The following LRMDA variants were observed in gnomAD, a reference collection of about 807,000 sequenced individuals.
LRMDA encodes the protein leucine-rich melanocyte differentiation-associated protein.
In LRMDA, 18 loss-of-function variants were observed where a neutral mutation model predicts 29.8. The observed-to-expected ratio is 0.60, with a 90% confidence interval of 0.42 to 0.90. The LOEUF (loss-of-function observed/expected upper bound fraction) is 0.90. Among genes scored for constraint, LRMDA ranks in the 40% least tolerant of loss-of-function variants. The pLI is 0.00. For synonymous variants in LRMDA, 125 were observed against 109.4 expected, an observed-to-expected ratio of 1.14 and a Z score of -0.89; for missense variants, 273 against 273.9, an observed-to-expected ratio of 1.00 and a Z score of 0.02.
chr10:76,082,156 C>A (rs1849059557), intron 5 of LRMDA, among the ~76,000 whole-genome samples: 1 of 152,162 alleles, frequency 6.6e-6, no homozygotes, highest in Admixed American at 6.5e-5. Flanking sequence ...GGAACACCAA[C>A]TTTTCATATT....
intron 2 of LRMDA, among the ~76,000 whole-genome samples, chr10:75,977,541 AAAAT>A (rs990734607): frequency 3.3e-5 from 5 of 152,222 alleles, no homozygotes; most frequent in Admixed American, 1.3e-4. Flanking sequence ...TTCCACACGC[AAAAT>A]AAATAAATAA....
At chr10:75,959,398 T>G (rs1009087512) in intron 2 of LRMDA, among the ~76,000 whole-genome samples, 19 of 152,154 alleles carry the variant, frequency 1.2e-4, no homozygotes, top group African/African-American at 4.6e-4. Context: ...ACCACATGTA[T>G]AAGTCAGAGC....
intron 2 of LRMDA, among the ~76,000 whole-genome samples, chr10:75,822,508 A>T (rs1312909651): frequency 6.6e-6 from 1 of 152,162 alleles, no homozygotes; most frequent in Non-Finnish European, 1.5e-5. Flanking sequence ...AGCCAAAGCA[A>T]CTCTAAGCAA....
At chr10:76,472,195 T>G (rs1482497508) in intron 6 of LRMDA, among the ~76,000 whole-genome samples, 1 of 151,798 alleles carries the variant, frequency 6.6e-6, no homozygotes, top group African/African-American at 2.4e-5. Context: ...CTCAATAAAT[T>G]TAACTGGGTA....
intron 6 of LRMDA, among the ~76,000 whole-genome samples, chr10:76,411,887 A>G (rs1841965208): frequency 6.6e-6 from 1 of 152,238 alleles, no homozygotes; most frequent in Non-Finnish European, 1.5e-5. Context: ...AACAGCGGGG[A>G]CAGTGATGGA....
At chr10:76,397,896 C>T (rs934279262) in intron 6 of LRMDA, among the ~76,000 whole-genome samples, 9 of 152,232 alleles carry the variant, frequency 5.9e-5, no homozygotes, top group Admixed American at 3.9e-4. Flanking sequence ...TTTCACTAAC[C>T]GAAAAGTATT....
chr10:76,312,754 C>T (rs16933248), intron 5 of LRMDA, among the ~76,000 whole-genome samples: 3,383 of 151,390 alleles, frequency 0.022, 135 homozygotes, highest in African/African-American at 0.077. Flanking sequence ...AATTTTTGCT[C>T]CCAGAAGGGA....
chr10:75,608,097 A>G (rs1840978819), intron 2 of LRMDA, among the ~76,000 whole-genome samples: 1 of 77,670 alleles, frequency 1.3e-5, no homozygotes. Flanking sequence ...CTGGATCAAA[A>G]ATTGTAGTGT....
At chr10:76,107,905 G>A (rs960582241) in intron 5 of LRMDA, among the ~76,000 whole-genome samples, 1 of 152,168 alleles carries the variant, frequency 6.6e-6, no homozygotes, top group Non-Finnish European at 1.5e-5. Flanking sequence ...CATTTGTGTT[G>A]AATTCTGGTT....
intron 2 of LRMDA, among the ~76,000 whole-genome samples, chr10:75,800,318 G>GCA (rs1843725969): frequency 6.6e-6 from 1 of 151,828 alleles, no homozygotes; most frequent in South Asian, 2.1e-4. Flanking sequence ...TTTTTTTGCA[G>GCA]CATATATATA....
intron 2 of LRMDA, among the ~76,000 whole-genome samples, chr10:75,555,032 G>A (rs1480241894): frequency 6.6e-6 from 1 of 152,168 alleles, no homozygotes; most frequent in East Asian, 1.9e-4. Flanking sequence ...AGTTAGTCCT[G>A]AGGGGCTGGG....
chr10:76,170,844 G>A (rs1370342967), intron 5 of LRMDA, among the ~76,000 whole-genome samples: 1 of 152,122 alleles, frequency 6.6e-6, no homozygotes, highest in African/African-American at 2.4e-5. Flanking sequence ...TAGAGAGGAG[G>A]AAAATAAACT....
chr10:75,877,915 A>C (rs1235662447), intron 2 of LRMDA, among the ~76,000 whole-genome samples: 2 of 152,196 alleles, frequency 1.3e-5, no homozygotes, highest in Non-Finnish European at 2.9e-5. Flanking sequence ...GTCAAGATGA[A>C]ATCGGAGGAG....
chr10:75,795,474 C>T (rs1843637504), intron 2 of LRMDA, among the ~76,000 whole-genome samples: 1 of 151,904 alleles, frequency 6.6e-6, no homozygotes, highest in Admixed American at 6.6e-5. Context: ...TGTTTCAGCC[C>T]CATTTATTAT....
chr10:76,202,893 C>G (rs1851458905), intron 5 of LRMDA, among the ~76,000 whole-genome samples: 1 of 152,118 alleles, frequency 6.6e-6, no homozygotes, highest in Non-Finnish European at 1.5e-5. Context: ...CTGTTCCCTG[C>G]TCTGCGGAGA....
intron 2 of LRMDA, among the ~76,000 whole-genome samples, chr10:75,519,572 G>T (rs1223915899): frequency 6.6e-6 from 1 of 152,096 alleles, no homozygotes; most frequent in African/African-American, 2.4e-5. Flanking sequence ...GCCTATGTGT[G>T]TCTCTGCACT....
At chr10:75,675,470 A>G (rs1841948270) in intron 2 of LRMDA, among the ~76,000 whole-genome samples, 1 of 152,256 alleles carries the variant, frequency 6.6e-6, no homozygotes, top group South Asian at 2.1e-4. Flanking sequence ...ATGTTAAACT[A>G]TGAAAAGCAG....
chr10:76,464,158 A>G (rs1449940119), intron 6 of LRMDA, among the ~76,000 whole-genome samples: 1 of 151,968 alleles, frequency 6.6e-6, no homozygotes, highest in East Asian at 1.9e-4. Flanking sequence ...TCCTCAGGTC[A>G]TCCGCCCGCC....
intron 6 of LRMDA, among the ~76,000 whole-genome samples, chr10:76,495,188 G>T (rs1014663847): frequency 6.6e-6 from 1 of 151,796 alleles, no homozygotes; most frequent in East Asian, 1.9e-4. Context: ...GTGAGGTTTC[G>T]ATGGAGGTTC....
Sources: allele counts gnomAD v4.1 joint callset (sites outside exome capture counted in the v4.1 genomes callset), GRCh38; gene constraint gnomAD v4.1.1; transcripts MANE v1.5; gene names NCBI Gene and HGNC (gene_info 2026-07-23, HGNC 2026-07-21).